Variants in SPIDR observed in about 807,000 individuals in gnomAD.
SPIDR encodes scaffold protein involved in DNA repair, also known as DNA repair-scaffolding protein.
Under a neutral mutation model 104.6 loss-of-function variants are expected in SPIDR, and 93 were observed. The observed-to-expected ratio is 0.89, with a 90% confidence interval of 0.75 to 1.06. The LOEUF (loss-of-function observed/expected upper bound fraction) is 1.06. SPIDR is among the 50% of genes least tolerant of loss of function. The pLI, the probability that SPIDR is intolerant of heterozygous loss-of-function variation, is 0.00. For missense variants in SPIDR, 1,154 were observed against 1,111.2 expected (o/e 1.04, Z -0.55); for synonymous variants, 431 against 416.9 (o/e 1.03, Z -0.41).
intron 8 of SPIDR, among the ~76,000 whole-genome samples, chr8:47,580,165 A>G (rs1278276646): frequency 6.6e-6 from 1 of 152,230 alleles, no homozygotes. Flanking sequence ...GTATATGAGC[A>G]GGTGATGGAA....
At chr8:47,485,315 T>C (rs1398294709) in intron 8 of SPIDR, among the ~76,000 whole-genome samples, 6 of 152,196 alleles carry the variant, frequency 3.9e-5, no homozygotes, top group East Asian at 3.9e-4. Context: ...GAGGGGCGCC[T>C]GCCATTGCTG....
intron 8 of SPIDR, among the ~76,000 whole-genome samples, chr8:47,450,527 C>T (rs1350569108): frequency 1.3e-5 from 2 of 152,166 alleles, no homozygotes; most frequent in African/African-American, 4.8e-5. Context: ...GTGTTTTGTG[C>T]TCAAATAAGT....
chr8:47,405,705 A>G lies in SPIDR; in HGVS notation c.777-2156A>G, dbSNP rs772462374. On this transcript the variant is annotated intron_variant, in intron 6 of 19. Coordinates refer to ENST00000297423, the MANE Select transcript of SPIDR (RefSeq NM_001080394.4). ...TTTATTCCATCGGAGTTTGGCCTTT[A>G]TAAATAACTTATCTGGCTACGTTCA... 2.0e-5 allele frequency among the ~76,000 whole-genome samples: 3 copies of G among 152,202 alleles called. No homozygotes were observed. The East Asian group carries it at 5.8e-4, about 29-fold the overall frequency.
chr8:47,501,002 A>G (rs2080322185), intron 8 of SPIDR, among the ~76,000 whole-genome samples: 1 of 152,048 alleles, frequency 6.6e-6, no homozygotes, highest in South Asian at 2.1e-4. Context: ...ATTGATCTAT[A>G]TCTCTGTTTT....
intron 5 of SPIDR, among the ~76,000 whole-genome samples, chr8:47,388,019 G>C (rs374281009): frequency 1.3e-5 from 2 of 152,168 alleles, no homozygotes; most frequent in Admixed American, 6.5e-5. Context: ...CTCGTCTGTA[G>C]GTCATGAAGG....
In SPIDR at chr8:47,701,776, A is replaced by G. The variant is rs1317612808; in HGVS notation, c.1829A>G (p.Asn610Ser). 2 of 1,614,108 alleles carry G rather than the reference A, an allele frequency of 1.2e-6. No homozygotes were observed. Among genetic ancestry groups the G allele is most frequent in the Admixed American group, 1.7e-5 (1 of 60,006 alleles). Residue 610 changes from asparagine (N) to serine (S), a missense_variant, in exon 13 of 20, where the codon AAT (asparagine) becomes AGT (serine). Transcript: ENST00000297423. ...TGTTACATCCTCACAGCTCATCCAA[A>G]TCTGGGACAAATTGATATAATTGAC... ...ALCYILTAHP[N>S]LGQIDIIDED... is the part of the protein sequence containing the mutation.
intron 8 of SPIDR, among the ~76,000 whole-genome samples, chr8:47,590,040 G>C (rs1484044797): frequency 1.3e-5 from 2 of 151,888 alleles, no homozygotes; most frequent in African/African-American, 2.4e-5. Context: ...CGGGACTGGT[G>C]GTGGGCACCT....
chr8:47,424,471 T>C (rs2154336403), intron 7 of SPIDR, among the ~76,000 whole-genome samples: 1 of 152,054 alleles, frequency 6.6e-6, no homozygotes, highest in South Asian at 2.1e-4. Context: ...CACCCAGCTG[T>C]TTAAAAAAAA....
At chr8:47,543,482 T>G (rs974647005) in intron 8 of SPIDR, among the ~76,000 whole-genome samples, 1 of 152,226 alleles carries the variant, frequency 6.6e-6, no homozygotes, top group African/African-American at 2.4e-5. Flanking sequence ...GGTGGCACAC[T>G]GCTGGCTGGG....
intron 10 of SPIDR, among the ~76,000 whole-genome samples, chr8:47,635,061 T>C (rs2067680537): frequency 6.6e-6 from 1 of 151,940 alleles, no homozygotes; most frequent in Non-Finnish European, 1.5e-5. Flanking sequence ...GAAAGGGAGA[T>C]GGTTAATGGG....
chr8:47,581,420 A>G (rs2059682683), intron 8 of SPIDR, among the ~76,000 whole-genome samples: 1 of 152,162 alleles, frequency 6.6e-6, no homozygotes, highest in Non-Finnish European at 1.5e-5. Flanking sequence ...TTGATTCCCC[A>G]GTTATAAGTG....
intron 10 of SPIDR, chr8:47,653,972 A>G: frequency 8.0e-7 from 1 of 1,247,824 alleles, no homozygotes; most frequent in Non-Finnish European, 1.0e-6. Flanking sequence ...TTTGACTTTG[A>G]AAAATGATAC....
At chr8:47,589,803 T>C (rs1008910669) in intron 8 of SPIDR, among the ~76,000 whole-genome samples, 1 of 152,230 alleles carries the variant, frequency 6.6e-6, no homozygotes, top group African/African-American at 2.4e-5. Flanking sequence ...TTCATTGATC[T>C]TTTCAAATAA....
At position 47,569,358 on chromosome 8, in the gene SPIDR, C is replaced by G. The variant is rs574659365; in HGVS notation, c.1098-26453C>G. The stretch of plus-strand genomic sequence containing the variant: ...CTCCCACTTTCAATAGGGATTAGAA[C>G]AACTAGAAAGAAGATCAGTAGGAAA... On this transcript the variant is annotated intron_variant, in intron 8 of 19. Transcript: ENST00000297423. Among the ~76,000 whole-genome samples, 4 of 152,216 alleles carry G rather than the reference C, an allele frequency of 2.6e-5. No homozygotes were observed. In the South Asian group the frequency reaches 8.3e-4, roughly 32 times the overall value.
chr8:47,304,697 C>T (rs1191425946), intron 5 of SPIDR, among the ~76,000 whole-genome samples: 4 of 152,104 alleles, frequency 2.6e-5, no homozygotes, highest in Admixed American at 1.3e-4. Flanking sequence ...ACCATTCTTC[C>T]TGTACAGCCT....
At chr8:47,714,732 G>T (rs975110777) in intron 16 of SPIDR, among the ~76,000 whole-genome samples, 2 of 152,192 alleles carry the variant, frequency 1.3e-5, no homozygotes, top group African/African-American at 4.8e-5. Context: ...GTCCGTCCAG[G>T]TGGGGGGAGA....
At chr8:47,274,663 C>T (rs928983415) in intron 1 of SPIDR, among the ~76,000 whole-genome samples, 4 of 151,484 alleles carry the variant, frequency 2.6e-5, no homozygotes, top group South Asian at 2.1e-4. Flanking sequence ...CTGCAACCTC[C>T]GCCTCCTGGG....
rs572980967 is a variant in SPIDR at position 47,422,378 on chromosome 8, G to A, written c.877+14417G>A. Among the ~76,000 whole-genome samples the A allele has an allele frequency of 9.2e-5, 14 of 152,168 alleles. No individual in the cohort carries two copies. In the South Asian group the frequency reaches 1.2e-3, roughly 13 times the overall value. On this transcript the variant is annotated intron_variant, in intron 7 of 19. Coordinates refer to ENST00000297423, the MANE Select transcript of SPIDR (RefSeq NM_001080394.4). ...TCAGACTGCTGTGCTAGCAATGAGCGAGGCTCTGTGGGCGTAGGACCCTCC... is the reference window on the plus strand; with the variant it reads ...TCAGACTGCTGTGCTAGCAATGAGCAAGGCTCTGTGGGCGTAGGACCCTCC...
At chr8:47,450,311 C>T (rs1293773834) in intron 8 of SPIDR, among the ~76,000 whole-genome samples, 1 of 152,164 alleles carries the variant, frequency 6.6e-6, no homozygotes, top group Non-Finnish European at 1.5e-5. Flanking sequence ...AAGAGGGAGC[C>T]AAACTTGCTT....
Sources: gnomAD v4.1 joint callset for allele counts (sites outside exome capture counted in the v4.1 genomes callset) on GRCh38, gnomAD v4.1.1 for gene constraint, MANE v1.5 for transcripts, NCBI Gene and HGNC (gene_info 2026-07-23, HGNC 2026-07-21) for gene names.